Variants in KCTD1 observed in about 807,000 individuals in gnomAD.
KCTD1 encodes the protein BTB/POZ domain-containing protein KCTD1.
Under a neutral mutation model 66.0 loss-of-function variants are expected in KCTD1, and 24 were observed. The observed-to-expected ratio is 0.36, with a 90% confidence interval of 0.26 to 0.51. The LOEUF (loss-of-function observed/expected upper bound fraction) is 0.51, where lower values mean the gene tolerates loss of function less well. Ranked by LOEUF, KCTD1 falls within the 20% of genes least tolerant of loss-of-function variation. The pLI, the probability that KCTD1 is intolerant of heterozygous loss-of-function variation, is 0.95. For missense variants in KCTD1, 943 were observed against 1,205.2 expected (o/e 0.78, Z 3.22); for synonymous variants, 511 against 517.2 (o/e 0.99, Z 0.16).
At chr18:26,630,505 A>C (rs1987596115), upstream of KCTD1, among the ~76,000 whole-genome samples, 1 of 152,086 alleles carries the variant, frequency 6.6e-6, no homozygotes. Flanking sequence ...TTGTAGAAAC[A>C]GGGTCTTGCC....
intron 1 of KCTD1, among the ~76,000 whole-genome samples, chr18:26,520,192 G>A (rs1983843914): frequency 6.6e-6 from 1 of 152,200 alleles, no homozygotes; most frequent in South Asian, 2.1e-4. Flanking sequence ...AAGGGAAACT[G>A]AGGCTCAGGG....
chr18:26,654,772 T>C (rs929119840), intron 1 of KCTD1, among the ~76,000 whole-genome samples: 1 of 152,244 alleles, frequency 6.6e-6, no homozygotes. Context: ...ATGCAAAGTT[T>C]TAAAGTTTCA....
chr18:26,539,316 TGA>T (rs1984861996), intron 1 of KCTD1, among the ~76,000 whole-genome samples: 2 of 152,174 alleles, frequency 1.3e-5, no homozygotes, highest in South Asian at 4.2e-4. Context: ...GAGGATTAAA[TGA>T]GAGACCACAT....
At chr18:26,561,158 C>A (rs994161812) in intron 1 of KCTD1, among the ~76,000 whole-genome samples, 5 of 33,444 alleles carry the variant, frequency 1.5e-4, no homozygotes, top group South Asian at 3.7e-3. Flanking sequence ...AAAGTATAAG[C>A]CCATTTGCTG....
upstream of KCTD1, among the ~76,000 whole-genome samples, chr18:26,633,420 T>G (rs938116960): frequency 2.2e-4 from 34 of 151,980 alleles, no homozygotes; most frequent in African/African-American, 8.2e-4. Context: ...TTAACAAGAC[T>G]GGAAAACACA....
intron 1 of KCTD1, among the ~76,000 whole-genome samples, chr18:26,622,143 T>C (rs1453650174): frequency 6.6e-6 from 1 of 152,074 alleles, no homozygotes; most frequent in Non-Finnish European, 1.5e-5. Context: ...AACTATGGCT[T>C]GCAAACTGTC....
At chr18:26,573,188 T>A (rs1014186265) in intron 1 of KCTD1, among the ~76,000 whole-genome samples, 1 of 152,098 alleles carries the variant, frequency 6.6e-6, no homozygotes, top group Admixed American at 6.6e-5. Flanking sequence ...AATCACTATA[T>A]AGTGAGGTAC....
chr18:26,524,979 A>G (rs1185386182), intron 1 of KCTD1, among the ~76,000 whole-genome samples: 1 of 152,218 alleles, frequency 6.6e-6, no homozygotes, highest in African/African-American at 2.4e-5. Flanking sequence ...AACTCCACCC[A>G]GAAAGGACCT....
At chr18:26,617,889 G>A (rs1268016637) in intron 1 of KCTD1, among the ~76,000 whole-genome samples, 3 of 146,386 alleles carry the variant, frequency 2.0e-5, no homozygotes, top group Non-Finnish European at 4.5e-5. Context: ...GGGAAGGAGG[G>A]CAGGCAAGGT....
chr18:26,475,875 A>C (rs1016337026), intron 3 of KCTD1, among the ~76,000 whole-genome samples: 10 of 152,312 alleles, frequency 6.6e-5, no homozygotes, highest in Middle Eastern at 3.4e-3. Context: ...AACAAACAAA[A>C]AAAGCTATAT....
chr18:26,604,947 T>C (rs1986978897), intron 1 of KCTD1, among the ~76,000 whole-genome samples: 1 of 152,172 alleles, frequency 6.6e-6, no homozygotes, highest in Admixed American at 6.5e-5. Flanking sequence ...CAGGGCTGAC[T>C]TGGTGACTTT....
intron 1 of KCTD1, among the ~76,000 whole-genome samples, chr18:26,577,069 G>T (rs35315160): frequency 0.042 from 6,323 of 152,194 alleles, 200 homozygotes; most frequent in South Asian, 0.14. Context: ...AGAATTTAGT[G>T]GTTTATGTTT....
chr18:26,492,390 T>A (rs1023660728), intron 2 of KCTD1, among the ~76,000 whole-genome samples: 45 of 152,074 alleles, frequency 3.0e-4, no homozygotes, highest in African/African-American at 1.1e-3. Flanking sequence ...TCCCAGCACT[T>A]TGGGAGGCTA....
At chr18:26,510,099 G>A (rs150893034) in intron 1 of KCTD1, among the ~76,000 whole-genome samples, 69 of 152,338 alleles carry the variant, frequency 4.5e-4, no homozygotes, top group African/African-American at 1.6e-3. Flanking sequence ...TGGGCCTAGC[G>A]AGAAGTACAG....
chr18:26,552,435 T>C (rs1429987148), upstream of KCTD1, among the ~76,000 whole-genome samples: 8 of 152,218 alleles, frequency 5.3e-5, no homozygotes, highest in East Asian at 1.9e-4. Flanking sequence ...GTCATTTATA[T>C]TGAATGAAGA....
chr18:26,531,535 A>C (rs1057388903), intron 1 of KCTD1, among the ~76,000 whole-genome samples: 1 of 152,236 alleles, frequency 6.6e-6, no homozygotes, highest in Non-Finnish European at 1.5e-5. Flanking sequence ...TAACTTTAAA[A>C]AGCCTGACCC....
At chr18:26,491,470 A>G (rs1388910192) in intron 2 of KCTD1, among the ~76,000 whole-genome samples, 2 of 152,246 alleles carry the variant, frequency 1.3e-5, no homozygotes, top group Non-Finnish European at 2.9e-5. Flanking sequence ...CCCTGGCTGC[A>G]GGCAGGCTTG....
At chr18:26,546,692 A>G (rs1985237175) in intron 1 of KCTD1, 36 bp downstream of exon 1, 1 of 1,520,354 alleles carries the variant, frequency 6.6e-7, no homozygotes, top group African/African-American at 1.4e-5. Flanking sequence ...AGTGGTACCA[A>G]AGAAACATTT....
intron 1 of KCTD1, among the ~76,000 whole-genome samples, chr18:26,589,452 G>A (rs762437221): frequency 1.1e-4 from 16 of 152,110 alleles, no homozygotes; most frequent in Admixed American, 4.6e-4. Flanking sequence ...AGTAACTGGA[G>A]CAAAGGGGCA....
Sources: allele counts gnomAD v4.1 joint callset (sites outside exome capture counted in the v4.1 genomes callset), GRCh38; gene constraint gnomAD v4.1.1; transcripts MANE v1.5; gene names NCBI Gene and HGNC (gene_info 2026-07-23, HGNC 2026-07-21).